The following CNFN variants were observed in gnomAD, a reference collection of about 807,000 sequenced individuals.
The protein encoded by CNFN is cornefied envelope protein cornefilin.
Under a neutral mutation model 14.9 loss-of-function variants are expected in CNFN, and 10 were observed. The observed-to-expected ratio is 0.67, with a 90% CI of 0.41 to 1.14. The LOEUF (loss-of-function observed/expected upper bound fraction) is 1.14, where lower values mean the gene tolerates loss of function less well. CNFN is among the 50% of genes most tolerant of loss of function. CNFN has a pLI of 0.00. For synonymous variants in CNFN, 66 were observed against 60.0 expected (o/e 1.10, Z -0.46); for missense variants, 165 against 152.8 (o/e 1.08, Z -0.42).
chr19:42,388,877 C>T, intron 2 of CNFN, 49 bp downstream of exon 2: 1 of 1,432,024 alleles, frequency 7.0e-7, no homozygotes, highest in African/African-American at 1.4e-5. Flanking sequence ...CTGATTCCCC[C>T]CAAACCCATC....
chr19:42,387,409 G>C lies in CNFN; in HGVS notation c.180C>G (p.Cys60Trp). ...GGCCTCCGGGCAGGTAGGGCGCGCAGCAGCACTCGCCAAAGTCGTCGGAGA... is the reference window on the plus strand; with the variant it reads ...GGCCTCCGGGCAGGTAGGGCGCGCACCAGCACTCGCCAAAGTCGTCGGAGA... The part of the protein sequence containing the change: ...CRISDDFGEC[C>W]CAPYLPGGLH... The change falls in exon 3 of 4, where the codon TGC (cysteine) becomes TGG (tryptophan). Residue 60 changes from cysteine (C) to tryptophan (W), a missense_variant. By Grantham distance (215) the Cys-to-Trp change is radical. Coordinates refer to ENST00000222032, the MANE Select transcript of CNFN (RefSeq NM_032488.4). The C allele has an allele frequency of 6.2e-7, 1 of 1,602,138 alleles. No homozygotes were observed. The highest frequency in any genetic ancestry group is 2.3e-5 in the East Asian group (1 of 44,242).
At chr19:42,388,821 G>A (rs1392154841) in intron 2 of CNFN, 105 bp downstream of exon 2, 1 of 735,758 alleles carries the variant, frequency 1.4e-6, no homozygotes, top group African/African-American at 1.7e-5. Context: ...AGGTGGGAGT[G>A]GGGTTAGCAA....
In CNFN at chr19:42,387,056, A is replaced by G; in HGVS notation, c.*97T>C. On this transcript the variant is annotated 3_prime_UTR_variant, in exon 4 of 4. Coordinates refer to ENST00000222032, the MANE Select transcript of CNFN (RefSeq NM_032488.4). Reference sequence around the variant, plus strand: ...TTTTTATTGTGGGTGTATTTCTGGCAGCGGGACAGGGGTGGTGAGGCAGTC... The same window carrying G: ...TTTTTATTGTGGGTGTATTTCTGGCGGCGGGACAGGGGTGGTGAGGCAGTC... 2 of 1,208,190 alleles carry G rather than the reference A, an allele frequency of 1.7e-6. No individual in the cohort carries two copies. Among genetic ancestry groups the G allele is most frequent in the South Asian group, 2.5e-5 (2 of 80,940 alleles). 74.8% of individuals were successfully genotyped at this position (1,208,190 alleles called of 1,614,324 possible). A position where few individuals can be genotyped will look rare whatever the true frequency, so the allele number is the denominator to read the frequency against.
At chr19:42,387,613 G>A in intron 2 of CNFN, 137 bp from the exon 3 acceptor site, 1 of 557,508 alleles carries the variant, frequency 1.8e-6, no homozygotes, top group East Asian at 3.3e-5. Context: ...GGGAATTAGA[G>A]GTCCGAGGAG....
chr19:42,388,328 G>A (rs1017276065), intron 2 of CNFN, among the ~76,000 whole-genome samples: 2 of 151,310 alleles, frequency 1.3e-5, no homozygotes, highest in African/African-American at 2.4e-5. Context: ...GAGTAGCTGA[G>A]TTTACAGGCG....
At chr19:42,388,684 C>T (rs950604108) in intron 2 of CNFN, among the ~76,000 whole-genome samples, 1 of 152,028 alleles carries the variant, frequency 6.6e-6, no homozygotes, top group East Asian at 1.9e-4. Context: ...GAAAGCTGAG[C>T]ATGCAAAGGG....
At position 42,388,225 on chromosome 19, in the gene CNFN, G is replaced by T. The variant is rs554112191; in HGVS notation, c.112+701C>A. Among the ~76,000 whole-genome samples, 3 of 151,858 alleles carry T rather than the reference G, an allele frequency of 2.0e-5. No individual in the cohort carries two copies. In the East Asian group the frequency reaches 5.8e-4, roughly 30 times the overall value. ...ATTTTTATTTTTGAGACGGAATCTC[G>T]CTCTGTTGCCCAGACTGGAGTGCAG... On this transcript the variant is annotated intron_variant, in intron 2 of 3. Transcript: ENST00000222032.
rs60385070 is a variant in CNFN at position 42,388,355 on chromosome 19, G to GT, written c.112+570dup. Among the ~76,000 whole-genome samples, 742 of 146,362 alleles carry GT rather than the reference G, an allele frequency of 5.1e-3. 2 individuals carry two copies. Among genetic ancestry groups the GT allele is most frequent in the East Asian group, 8.7e-3 (44 of 5,038 alleles). Reference sequence around the variant, plus strand: ...TTACAGGCGCCCGCCACCACGCCCGGTTTTTTTTTTTGTATTTTTAGTAGA... The same window carrying GT: ...TTACAGGCGCCCGCCACCACGCCCGGTTTTTTTTTTTTGTATTTTTAGTAGA... On this transcript the variant is annotated intron_variant, in intron 2 of 3. Coordinates refer to ENST00000222032, the MANE Select transcript of CNFN (RefSeq NM_032488.4).
chr19:42,390,057 G>A lies in CNFN; in HGVS notation c.-3+183C>T, dbSNP rs181428595. ...CTGGGCCCCAAGACTTCTAAATTCA[G>A]CTCAGCACACCCCAGTTAAGAAGGA... On this transcript the variant is annotated intron_variant, in intron 1 of 3. Transcript: ENST00000222032. Among the ~76,000 whole-genome samples the A allele has an allele frequency of 1.6e-4, 24 of 152,338 alleles. No individual in the cohort carries two copies. In the East Asian group the frequency reaches 4.2e-3, roughly 27 times the overall value.
chr19:42,388,865 T>G, intron 2 of CNFN, 61 bp downstream of exon 2: 1 of 1,274,492 alleles, frequency 7.8e-7, no homozygotes, highest in Non-Finnish European at 1.1e-6. Flanking sequence ...AGCTTCCCTC[T>G]CCTGATTCCC....
intron 2 of CNFN, among the ~76,000 whole-genome samples, 153 bp downstream of exon 2, chr19:42,388,773 G>T (rs542009315): frequency 2.0e-5 from 3 of 152,322 alleles, no homozygotes; most frequent in Admixed American, 2.0e-4. Context: ...TGAGGAAAGG[G>T]TGACTGTTAG....
Position 42,387,414 on chromosome 19 carries a change from A to C in CNFN, c.175T>G (p.Cys59Gly), listed in dbSNP as rs780347450. ...CCGGGCAGGTAGGGCGCGCAGCAGC[A>C]CTCGCCAAAGTCGTCGGAGATGCGG... ...ACRISDDFGE[C>G]CCAPYLPGGL... is the part of the protein sequence containing the mutation. Residue 59 changes from cysteine (C) to glycine (G), a missense_variant, in exon 3 of 4, where the codon TGC (cysteine) becomes GGC (glycine). Coordinates refer to ENST00000222032, the MANE Select transcript of CNFN (RefSeq NM_032488.4). The C allele has an allele frequency of 2.5e-6, 4 of 1,602,046 alleles. No homozygotes were observed. The African/African-American group carries it at 4.0e-5, about 16-fold the overall frequency.
chr19:42,388,927 G>T lies in CNFN; in HGVS notation c.111C>A (p.Val37=). The T allele has an allele frequency of 6.2e-7, 1 of 1,610,468 alleles. No homozygotes were observed. The highest frequency in any genetic ancestry group is 1.1e-5 in the South Asian group (1 of 90,962). Reference sequence around the variant, plus strand: ...GAGAGGGAGCAGGCAGGCACTCACAGACAGGCATGTCGTTGCAGCAGTCCG... The same window carrying T: ...GAGAGGGAGCAGGCAGGCACTCACATACAGGCATGTCGTTGCAGCAGTCCG... ...GLTDCCNDMP[V]CLCGTFAPLC... The change falls in exon 2 of 4, where the codon GTC becomes GTA. Residue 37 remains valine, a splice_region_variant and synonymous_variant. Coordinates refer to ENST00000222032, the MANE Select transcript of CNFN (RefSeq NM_032488.4).
intron 2 of CNFN, among the ~76,000 whole-genome samples, 181 bp from the exon 3 acceptor site, chr19:42,387,657 C>A (rs925266072): frequency 7.4e-6 from 1 of 135,862 alleles, no homozygotes; most frequent in Non-Finnish European, 1.6e-5. Context: ...CAGGGTTTTT[C>A]TTTTTTTTTT....
rs751165575 is a variant in CNFN at position 42,387,160 on chromosome 19, C to A, written c.332G>T (p.Arg111Leu). The change falls in exon 4 of 4, where the codon CGA becomes CTA. Residue 111 changes from arginine (R) to leucine (L), a missense_variant. Coordinates refer to ENST00000222032, the MANE Select transcript of CNFN (RefSeq NM_032488.4). Reference protein sequence around the residue: ...LCQMARELKIRE With the variant: ...LCQMARELKILE ...GGAAGACAGGGAACTTCCTTACTCT[C>A]GGATCTTCAGTTCCCGCGCCATCTG... 2 of 1,614,176 alleles carry A rather than the reference C, an allele frequency of 1.2e-6. No homozygotes were observed. The highest frequency in any genetic ancestry group is 3.3e-5 in the Admixed American group (2 of 60,026).
intron 1 of CNFN, among the ~76,000 whole-genome samples, chr19:42,389,985 C>T (rs928344133): frequency 1.3e-5 from 2 of 152,188 alleles, no homozygotes; most frequent in African/African-American, 4.8e-5. Flanking sequence ...TGAGGAGGAA[C>T]GCCCCACGTC....
rs752854433 is a variant in CNFN at position 42,388,951 on chromosome 19, C to G, written c.87G>C (p.Thr29=). ...TQLSDWHTGL[T]DCCNDMPVCL... is the part of the protein sequence containing the mutation. ...AGACAGGCATGTCGTTGCAGCAGTC[C>G]GTGAGACCTGTGTGCCAGTCACTGA... The change falls in exon 2 of 4, where the codon ACG becomes ACC. Residue 29 remains threonine (T), a synonymous_variant. Transcript: ENST00000222032. 6.2e-7 allele frequency: 1 copy of G among 1,613,470 alleles called. No individual in the cohort carries two copies. The highest frequency in any genetic ancestry group is 2.2e-5 in the East Asian group (1 of 44,888).
At chr19:42,389,400 C>T (rs2039881137) in intron 1 of CNFN, 2 of 1,126,346 alleles carry the variant, frequency 1.8e-6, no homozygotes, top group Non-Finnish European at 2.4e-6. Context: ...GAAGCAGGCG[C>T]CGTCTGTCTT....
At position 42,387,405 on chromosome 19, in the gene CNFN, C is replaced by T; in HGVS notation, c.184G>A (p.Ala62Thr). The T allele has an allele frequency of 2.5e-6, 4 of 1,601,850 alleles. No individual in the cohort carries two copies. The highest frequency in any genetic ancestry group is 3.4e-6 in the Non-Finnish European group (4 of 1,175,756). Residue 62 changes from alanine to threonine, a missense_variant, in exon 3 of 4, where the codon GCG becomes ACG. Transcript: ENST00000222032. The part of the protein sequence containing the change: ...ISDDFGECCC[A>T]PYLPGGLHSI... ...TGCAGGCCTCCGGGCAGGTAGGGCG[C>T]GCAGCAGCACTCGCCAAAGTCGTCG...
Sources: gnomAD v4.1 joint callset for allele counts (sites outside exome capture counted in the v4.1 genomes callset) on GRCh38, gnomAD v4.1.1 for gene constraint, MANE v1.5 for transcripts, NCBI Gene and HGNC (gene_info 2026-07-23, HGNC 2026-07-21) for gene names.